Variants in ATP11A observed in about 807,000 individuals in gnomAD.
ATP11A encodes phospholipid-transporting ATPase IH.
ATP11A carries 81 observed loss-of-function variants against 154.4 expected under a neutral mutation model. The observed-to-expected ratio is 0.52, with a 90% CI of 0.44 to 0.63. The LOEUF (loss-of-function observed/expected upper bound fraction) is 0.63. Among genes scored for constraint, ATP11A ranks in the 30% least tolerant of loss-of-function variants. The pLI is 0.00. For missense variants in ATP11A, 1,316 were observed against 1,474.3 expected (o/e 0.89, Z 1.76); for synonymous variants, 623 against 585.9 (o/e 1.06, Z -0.91).
chr13:112,828,314 G>T (rs423690), intron 12 of ATP11A, among the ~76,000 whole-genome samples: 1 of 146,564 alleles, frequency 6.8e-6, no homozygotes, highest in Non-Finnish European at 1.5e-5. Context: ...TGTTGAGTAG[G>T]GGGGAAAGCA....
intron 17 of ATP11A, among the ~76,000 whole-genome samples, chr13:112,850,668 A>T (rs1262148911): frequency 6.9e-6 from 1 of 145,890 alleles, no homozygotes; most frequent in African/African-American, 2.6e-5. Flanking sequence ...GATTATCCTT[A>T]AAAAAAAAAG....
intron 1 of ATP11A, among the ~76,000 whole-genome samples, chr13:112,775,362 G>C (rs1379472220): frequency 6.6e-6 from 1 of 152,174 alleles, no homozygotes; most frequent in Non-Finnish European, 1.5e-5. Context: ...CGGGAGGCAT[G>C]GGATGCACAC....
At chr13:112,701,317 C>T (rs1418851024) in intron 1 of ATP11A, among the ~76,000 whole-genome samples, 1 of 152,210 alleles carries the variant, frequency 6.6e-6, no homozygotes, top group Non-Finnish European at 1.5e-5. Flanking sequence ...AACTTCCAGG[C>T]ATCTCGGCAG....
chr13:112,875,960 C>T lies in ATP11A; in HGVS notation c.3327+19C>T, dbSNP rs112769756. On this transcript the variant is annotated intron_variant, in intron 28 of 29. Transcript: ENST00000375645. This position sits in a 1 kb window ranked among gnomAD's most constrained non-coding sequence, Gnocchi z 4.1. ...AGTCCAGGTACGGAGTGTCCCCAGC[C>T]GGGGCGGGGGTGCCTCAGGGCCCTG... The T allele has an allele frequency of 1.8e-4, 289 of 1,598,420 alleles. No homozygotes were observed. In the African/African-American group the frequency reaches 2.7e-3, roughly 15 times the overall value.
At chr13:112,694,432 A>C in intron 1 of ATP11A, among the ~76,000 whole-genome samples, 1 of 152,200 alleles carries the variant, frequency 6.6e-6, no homozygotes, top group East Asian at 1.9e-4. Flanking sequence ...CGTGGGTCAC[A>C]GGAGAGGTAA....
chr13:112,776,763 A>G (rs1197158906), intron 1 of ATP11A, among the ~76,000 whole-genome samples: 4 of 151,816 alleles, frequency 2.6e-5, no homozygotes, highest in African/African-American at 9.7e-5. Context: ...CTCCTGCCTA[A>G]TTTTTGTATT....
chr13:112,843,040 C>CAA lies in ATP11A; in HGVS notation c.1809+662_1809+663insAA, dbSNP rs541850321. ...CTGGGGTGGACACGCTCCCTCCTGT[C>CAA]AGACACCTTAACTCCGGGTGATGCG... On this transcript the variant is annotated intron_variant, in intron 17 of 29. Coordinates refer to ENST00000375645, the MANE Select transcript of ATP11A (RefSeq NM_015205.3). Among the ~76,000 whole-genome samples, 487 of 152,250 alleles carry CAA rather than the reference C, an allele frequency of 3.2e-3. 1 individual carries two copies. Among genetic ancestry groups the CAA allele is most frequent in the African/African-American group, 7.8e-3 (322 of 41,534 alleles).
intron 1 of ATP11A, among the ~76,000 whole-genome samples, chr13:112,717,138 G>A (rs1205677419): frequency 2.6e-5 from 4 of 152,218 alleles, no homozygotes; most frequent in South Asian, 4.1e-4. Context: ...ACACGCTTCC[G>A]CCTTGAGGAC....
At chr13:112,710,437 C>A (rs564017398) in intron 1 of ATP11A, among the ~76,000 whole-genome samples, 1 of 152,278 alleles carries the variant, frequency 6.6e-6, no homozygotes, top group African/African-American at 2.4e-5. Flanking sequence ...AAAACAAGCG[C>A]CCCAGGTTTT....
intron 1 of ATP11A, among the ~76,000 whole-genome samples, chr13:112,749,669 C>A (rs924564350): frequency 1.8e-4 from 27 of 152,070 alleles, no homozygotes; most frequent in Non-Finnish European, 3.7e-4. Flanking sequence ...GAGTCTCCAT[C>A]CTCCCACGTG....
intron 1 of ATP11A, among the ~76,000 whole-genome samples, chr13:112,710,672 G>A (rs534403118): frequency 5.3e-5 from 8 of 152,366 alleles, no homozygotes; most frequent in South Asian, 2.1e-4. Context: ...TAACACTCCC[G>A]GCAGAGCTGT....
At chr13:112,701,623 G>A (rs1886549740) in intron 1 of ATP11A, among the ~76,000 whole-genome samples, 2 of 151,676 alleles carry the variant, frequency 1.3e-5, no homozygotes, top group African/African-American at 4.8e-5. Flanking sequence ...ACGAGGTCGG[G>A]AGATCGAGAC....
chr13:112,820,136 T>A (rs2078759338), intron 8 of ATP11A, among the ~76,000 whole-genome samples, 186 bp downstream of exon 8: 2 of 152,182 alleles, frequency 1.3e-5, no homozygotes, highest in African/African-American at 4.8e-5. Context: ...CTGTGAATGT[T>A]GACAAGTTAG....
rs996671348 is a variant in ATP11A at position 112,696,394 on chromosome 13, C to G, written c.39+5939C>G. On this transcript the variant is annotated intron_variant, in intron 1 of 29. Coordinates refer to ENST00000375645, the MANE Select transcript of ATP11A (RefSeq NM_015205.3). This position sits in a 1 kb window ranked among gnomAD's most constrained non-coding sequence, Gnocchi z 6.2. ...GCGGTGGTCACTGGTGGGAACGCCC[C>G]TGCCACGCCCAGCAGCCTTTCTGCC... 6.6e-6 allele frequency among the ~76,000 whole-genome samples: 1 copy of G among 152,068 alleles called. No individual in the cohort carries two copies. The highest frequency in any genetic ancestry group is 1.5e-5 in the Non-Finnish European group (1 of 67,992).
At chr13:112,803,721 TCCCTCCCTGACCTCC>T in intron 2 of ATP11A, among the ~76,000 whole-genome samples, 2 of 118,802 alleles carry the variant, frequency 1.7e-5, no homozygotes, top group African/African-American at 3.7e-5. Context: ...TTCCCCTCCT[TCCCTCCCTGACCTCC>T]TTCCCCTCCT....
intron 1 of ATP11A, among the ~76,000 whole-genome samples, chr13:112,699,850 C>A (rs1466403927): frequency 6.6e-6 from 1 of 152,118 alleles, no homozygotes; most frequent in East Asian, 1.9e-4. Flanking sequence ...AAACTCATGG[C>A]CTTTGCTGTC....
chr13:112,882,263 G>A lies in ATP11A; in HGVS notation c.*397G>A, dbSNP rs540323433. ...GACATTCTGCTGGCCCACCCTGCGC[G>A]CTGTCATGCAGAGGCCATTCCCCCA... On this transcript the variant is annotated 3_prime_UTR_variant, in exon 30 of 30. Coordinates refer to ENST00000375645, the MANE Select transcript of ATP11A (RefSeq NM_015205.3). The surrounding 1 kb of genome is among the most constrained non-coding windows in gnomAD (Gnocchi z 5.1). The A allele has an allele frequency of 2.1e-5, 12 of 565,490 alleles. No homozygotes were observed. Among genetic ancestry groups the A allele is most frequent in the Admixed American group, 1.1e-4 (3 of 27,998 alleles). The allele number at this position is 565,490 out of a possible 1,614,324, so 35.0% of individuals were successfully genotyped here. A position where few individuals can be genotyped will look rare whatever the true frequency, so the allele number is the denominator to read the frequency against.
intron 1 of ATP11A, among the ~76,000 whole-genome samples, chr13:112,752,836 C>T (rs942373270): frequency 6.6e-6 from 1 of 152,128 alleles, no homozygotes; most frequent in Non-Finnish European, 1.5e-5. Flanking sequence ...AGCATCGGGA[C>T]TTTCCAGGAA....
chr13:112,836,048 C>A (rs2079225596), intron 15 of ATP11A, 130 bp from the exon 16 acceptor site: 1 of 583,886 alleles, frequency 1.7e-6, no homozygotes, highest in Non-Finnish European at 3.0e-6. Context: ...CACCCAGCAG[C>A]CCTCTGTGTG....
Sources: gnomAD v4.1 joint callset for allele counts (sites outside exome capture counted in the v4.1 genomes callset) on GRCh38, gnomAD v4.1.1 for gene constraint, Gnocchi (gnomAD v3.1) non-coding constraint, MANE v1.5 for transcripts, NCBI Gene and HGNC (gene_info 2026-07-23, HGNC 2026-07-21) for gene names.